LEO1: variants seen among roughly 807,000 people sequenced by gnomAD.
LEO1 encodes the protein LEO1 component of Paf1/RNA polymerase II complex, also known as RNA polymerase-associated protein LEO1.
A neutral mutation model predicts 80.4 loss-of-function variants in LEO1; 34 were observed. The ratio of observed to expected loss-of-function variants is 0.42; its 90% CI spans 0.32 to 0.56. LEO1 has a LOEUF of 0.56. LEO1 is among the 20% of genes least tolerant of loss of function. LEO1 has a pLI of 0.10. For missense variants in LEO1, 631 were observed against 814.2 expected (o/e 0.77, Z 2.74); for synonymous variants, 262 against 274.9 (o/e 0.95, Z 0.46).
Position 51,960,668 on chromosome 15 carries a change from C to A in LEO1, c.985G>T (p.Asp329Tyr). 1 of 1,610,544 alleles carries A rather than the reference C, an allele frequency of 6.2e-7. No homozygotes were observed. The highest frequency in any genetic ancestry group is 8.5e-7 in the Non-Finnish European group (1 of 1,176,758). Residue 329 changes from aspartate to tyrosine, a missense_variant, in exon 4 of 12, where the codon GAC (aspartate) becomes TAC (tyrosine). Transcript: ENST00000299601. ...DDISSGSDGEDKPPTPGQPVD... is the reference protein window; with the variant it reads ...DDISSGSDGEYKPPTPGQPVD... The stretch of plus-strand genomic sequence containing the variant: ...GGCTGTCCTGGAGTAGGTGGTTTGT[C>A]TTCTCCATCACTCCCTGAAGAGATA...
intron 11 of LEO1, among the ~76,000 whole-genome samples, chr15:51,946,527 T>C (rs896084907): frequency 1.3e-5 from 2 of 151,804 alleles, no homozygotes; most frequent in Non-Finnish European, 2.9e-5. Context: ...AAAAAGAAAA[T>C]AGGTTTTCCC....
chr15:51,965,882 C>A lies in LEO1; in HGVS notation c.681G>T (p.Gln227His). The change falls in exon 2 of 12, where the codon CAG becomes CAT. Residue 227 changes from glutamine (Q) to histidine (H), a missense_variant. Physicochemically the swap from Gln to His is conservative, Grantham distance 24. Transcript: ENST00000299601. ...PVASDNDDEKQNSDDEEQPQL... is the reference protein window; with the variant it reads ...PVASDNDDEKHNSDDEEQPQL... The stretch of plus-strand genomic sequence containing the variant: ...GTGGTTGTTCTTCATCATCAGAATT[C>A]TGTTTCTCATCATCATTATCAGAAG... 6.2e-7 allele frequency: 1 copy of A among 1,614,102 alleles called. No individual in the cohort carries two copies. The highest frequency in any genetic ancestry group is 8.5e-7 in the Non-Finnish European group (1 of 1,180,024).
intron 1 of LEO1, 122 bp downstream of exon 1, chr15:51,971,566 C>T (rs1215034180): frequency 1.5e-5 from 14 of 931,866 alleles, no homozygotes; most frequent in Non-Finnish European, 2.4e-5. Context: ...GTGCAGGGGG[C>T]GCTGAGGCAG....
At position 51,949,930 on chromosome 15, in the gene LEO1, T is replaced by C; in HGVS notation, c.1676A>G (p.Lys559Arg). 6.2e-7 allele frequency: 1 copy of C among 1,614,024 alleles called. No homozygotes were observed. Among genetic ancestry groups the C allele is most frequent in the Non-Finnish European group, 8.5e-7 (1 of 1,180,012 alleles). The change falls in exon 10 of 12, where the codon AAA becomes AGA. Residue 559 changes from lysine to arginine, a missense_variant. Transcript: ENST00000299601. ...RESQQRRMRE[K>R]QHQRGLSASY... ...GGCGCTCAGCCCCCGCTGGTGCTGTTTCTCTCTCATTCGGCGCTGCTGAGA... is the reference window on the plus strand; with the variant it reads ...GGCGCTCAGCCCCCGCTGGTGCTGTCTCTCTCTCATTCGGCGCTGCTGAGA...
At chr15:51,961,762 A>C (rs991842428) in intron 3 of LEO1, among the ~76,000 whole-genome samples, 1 of 152,090 alleles carries the variant, frequency 6.6e-6, no homozygotes, top group African/African-American at 2.4e-5. Flanking sequence ...ATCTAAGTCA[A>C]GAACTTAGGA....
chr15:51,954,726 TA>T (rs2056974989), intron 6 of LEO1, 151 bp from the exon 7 acceptor site: 1 of 612,386 alleles, frequency 1.6e-6, no homozygotes, highest in East Asian at 2.8e-5. Flanking sequence ...AAACCCTCTT[TA>T]ATCACCTAGA....
At position 51,951,808 on chromosome 15, in the gene LEO1, G is replaced by A. The variant is rs140074983; in HGVS notation, c.1611+36C>T. The A allele has an allele frequency of 1.9e-6, 3 of 1,583,954 alleles. No homozygotes were observed. In the African/African-American group the frequency reaches 4.0e-5, roughly 21 times the overall value. Reference sequence around the variant, plus strand: ...GGAAATACTTGCCTAATATACCAAAGAATCCCAGGATAACGCTTAGGCTTA... The same window carrying A: ...GGAAATACTTGCCTAATATACCAAAAAATCCCAGGATAACGCTTAGGCTTA... On this transcript the variant is annotated intron_variant, in intron 9 of 11. Coordinates refer to ENST00000299601, the MANE Select transcript of LEO1 (RefSeq NM_138792.4).
chr15:51,964,169 A>G (rs1331825511), intron 2 of LEO1, among the ~76,000 whole-genome samples: 5 of 151,416 alleles, frequency 3.3e-5, no homozygotes, highest in African/African-American at 4.9e-5. Context: ...TCATGCCACT[A>G]CACTCCAGCC....
chr15:51,969,727 A>C (rs1204200497), intron 1 of LEO1, among the ~76,000 whole-genome samples: 5 of 151,798 alleles, frequency 3.3e-5, no homozygotes, highest in African/African-American at 1.2e-4. Context: ...CTGTAATCAC[A>C]GCTACTCGGG....
intron 1 of LEO1, among the ~76,000 whole-genome samples, chr15:51,967,905 C>A (rs757105048): frequency 2.6e-5 from 4 of 152,142 alleles, no homozygotes; most frequent in Non-Finnish European, 5.9e-5. Flanking sequence ...GAAAGTAGGC[C>A]CGGCGCAGTG....
chr15:51,941,113 C>A (rs958252003), intron 11 of LEO1, among the ~76,000 whole-genome samples: 2 of 147,806 alleles, frequency 1.4e-5, no homozygotes, highest in South Asian at 2.1e-4. Context: ...ATAAGCAAGC[C>A]AGCCAGCCAG....
chr15:51,940,987 C>A (rs2056846984), intron 11 of LEO1, among the ~76,000 whole-genome samples: 1 of 151,820 alleles, frequency 6.6e-6, no homozygotes, highest in African/African-American at 2.4e-5. Context: ...GCAGGAGAAT[C>A]ACTTGAACCC....
At position 51,971,626 on chromosome 15, in the gene LEO1, T is replaced by TG. The variant is rs1008920753; in HGVS notation, c.58+61dup. ...CCCGCGGCGCTGGAGCCTCCACGGT[T>TG]GTCCGGCTCCCACAGCGGAAGGCCT... On this transcript the variant is annotated intron_variant, in intron 1 of 11. Coordinates refer to ENST00000299601, the MANE Select transcript of LEO1 (RefSeq NM_138792.4). 2.3e-5 allele frequency: 36 copies of TG among 1,548,742 alleles called. No individual in the cohort carries two copies. In the African/African-American group the frequency reaches 4.9e-4, roughly 21 times the overall value.
chr15:51,962,742 A>G (rs1434078202), intron 2 of LEO1, among the ~76,000 whole-genome samples: 1 of 152,212 alleles, frequency 6.6e-6, no homozygotes, highest in Non-Finnish European at 1.5e-5. Context: ...CCAAAAAACC[A>G]AAAGTTTAGT....
intron 9 of LEO1, 84 bp from the exon 10 acceptor site, chr15:51,950,078 G>C: frequency 2.7e-6 from 3 of 1,120,312 alleles, no homozygotes; most frequent in Non-Finnish European, 3.8e-6. Context: ...CAAATAGCAT[G>C]TAATGTCTGG....
At chr15:51,947,704 C>A (rs894437409) in intron 10 of LEO1, among the ~76,000 whole-genome samples, 3 of 152,116 alleles carry the variant, frequency 2.0e-5, no homozygotes, top group Non-Finnish European at 2.9e-5. Flanking sequence ...GGATTATAGG[C>A]GTGAGCCACT....
In LEO1 at chr15:51,964,179, C is replaced by T. The variant is rs544621867; in HGVS notation, c.814+1570G>A. On this transcript the variant is annotated intron_variant, in intron 2 of 11. Coordinates refer to ENST00000299601, the MANE Select transcript of LEO1 (RefSeq NM_138792.4). The stretch of plus-strand genomic sequence containing the variant: ...TGAGATCATGCCACTACACTCCAGC[C>T]TGGGAGACAGAGCGAGACTCCGTCT... 1.5e-4 allele frequency among the ~76,000 whole-genome samples: 23 copies of T among 151,586 alleles called. No homozygotes were observed. The East Asian group carries it at 4.3e-3, about 28-fold the overall frequency.
rs375410738 is a variant in LEO1 at position 51,950,367 on chromosome 15, T to C, written c.1612-373A>G. ...TGACTCCCTGGAGCAGCAGTGGCTG[T>C]TCCTGTTCATCCCTGAACCACAGAC... On this transcript the variant is annotated intron_variant, in intron 9 of 11. Transcript: ENST00000299601. Among the ~76,000 whole-genome samples the C allele has an allele frequency of 2.6e-3, 400 of 152,008 alleles. 5 individuals carry two copies. The highest frequency in any genetic ancestry group is 9.3e-3 in the African/African-American group (387 of 41,554).
intron 11 of LEO1, among the ~76,000 whole-genome samples, chr15:51,943,777 TTA>T (rs906061546): frequency 1.8e-5 from 2 of 110,450 alleles, no homozygotes; most frequent in Non-Finnish European, 3.8e-5. Context: ...AGAGAAGTGA[TTA>T]AAAAAAAAAA....
Sources: gnomAD v4.1 joint callset for allele counts (sites outside exome capture counted in the v4.1 genomes callset) on GRCh38, gnomAD v4.1.1 for gene constraint, MANE v1.5 for transcripts, NCBI Gene and HGNC (gene_info 2026-07-23, HGNC 2026-07-21) for gene names.